PTBP1: variants seen among roughly 807,000 people sequenced by gnomAD.
PTBP1 encodes polypyrimidine tract-binding protein 1.
Under a neutral mutation model 59.8 loss-of-function variants are expected in PTBP1, and 8 were observed. The ratio of observed to expected loss-of-function variants is 0.13; its 90% CI spans 0.08 to 0.24. PTBP1 has a LOEUF of 0.24. Ranked by LOEUF, PTBP1 falls within the 10% of genes least tolerant of loss-of-function variation. PTBP1 has a pLI of 1.00. For missense variants in PTBP1, 686 were observed against 767.0 expected (o/e 0.89, Z 1.25); for synonymous variants, 490 against 320.7 (o/e 1.53, Z -5.64).
At chr19:805,377 C>T (rs1268515630) in intron 8 of PTBP1, 115 bp from the exon 9 acceptor site, 1 of 1,230,864 alleles carries the variant, frequency 8.1e-7, no homozygotes, top group African/African-American at 1.5e-5. Context: ...GCGGATCTGC[C>T]CGCGAAGGCT....
chr19:811,162 A>T lies in PTBP1; in HGVS notation c.*336A>T. ...CCACGACTTGGCTTCCTTGTGCCTT[A>T]AAAAACCTGCCTTCCTGCAGCCACA... is the stretch of plus-strand genomic sequence containing the variant. On this transcript the variant is annotated 3_prime_UTR_variant, in exon 15 of 15. Coordinates refer to ENST00000356948, the MANE Select transcript of PTBP1 (RefSeq NM_002819.5). 9.6e-6 allele frequency: 2 copies of T among 209,010 alleles called. No homozygotes were observed. The highest frequency in any genetic ancestry group is 1.9e-5 in the Non-Finnish European group (2 of 105,704). The allele number at this position is 209,010 out of a possible 1,614,324, so 12.9% of individuals were successfully genotyped here.
At position 805,151 on chromosome 19, in the gene PTBP1, C is replaced by G. The variant is rs2034503323; in HGVS notation, c.856C>G (p.Gln286Glu). 1 of 1,613,576 alleles carries G rather than the reference C, an allele frequency of 6.2e-7. No individual in the cohort carries two copies. Among genetic ancestry groups the G allele is most frequent in the Non-Finnish European group, 8.5e-7 (1 of 1,179,880 alleles). ...TRPDLPSGDSQPSLDQTMAAA... is the reference protein window; with the variant it reads ...TRPDLPSGDSEPSLDQTMAAA... ...CCCAGACCTGCCTTCCGGGGACAGC[C>G]AGCCCTCGCTGGACCAGACCATGGC... Residue 286 changes from glutamine (Q) to glutamate (E), a missense_variant, in exon 8 of 15, where the codon CAG becomes GAG. Coordinates refer to ENST00000356948, the MANE Select transcript of PTBP1 (RefSeq NM_002819.5).
At position 805,004 on chromosome 19, in the gene PTBP1, TC is replaced by T; in HGVS notation, c.718-5del. 1 of 1,613,176 alleles carries T rather than the reference TC, an allele frequency of 6.2e-7. No individual in the cohort carries two copies. Among genetic ancestry groups the T allele is most frequent in the Non-Finnish European group, 8.5e-7 (1 of 1,179,456 alleles). ...GCCCGGCGACGTCTCACGGTCCCTC[TC>T]CCCTCAGTCGCTGGACGGGCAGAAC... On this transcript the variant is annotated splice_region_variant and splice_polypyrimidine_tract_variant and intron_variant, in intron 7 of 14. Transcript: ENST00000356948.
Position 808,834 on chromosome 19 carries a change from G to T in PTBP1, c.1463+72G>T. ...CTCTGCTTGGCTGTCCTACCGCGTC[G>T]GTGTGTGGACTTCTGGCGTTTCCAG... On this transcript the variant is annotated intron_variant, in intron 13 of 14. Coordinates refer to ENST00000356948, the MANE Select transcript of PTBP1 (RefSeq NM_002819.5). This position sits in a 1 kb window ranked among gnomAD's most constrained non-coding sequence, Gnocchi z 4.7. The T allele has an allele frequency of 1.4e-6, 2 of 1,419,556 alleles. No individual in the cohort carries two copies. Among genetic ancestry groups the T allele is most frequent in the Non-Finnish European group, 1.9e-6 (2 of 1,028,502 alleles). The allele number at this position is 1,419,556 out of a possible 1,614,324, so 87.9% of individuals were successfully genotyped here. A position where few individuals can be genotyped will look rare whatever the true frequency, so the allele number is the denominator to read the frequency against.
intron 10 of PTBP1, chr19:806,968 C>T (rs564405834): frequency 6.9e-4 from 112 of 163,274 alleles, no homozygotes; most frequent in South Asian, 3.0e-3. Flanking sequence ...CCGTTATTTC[C>T]CAGAATGGTT....
At position 810,731 on chromosome 19, in the gene PTBP1, G is replaced by T; in HGVS notation, c.1579G>T (p.Val527Leu). The T allele has an allele frequency of 6.2e-7, 1 of 1,609,576 alleles. No individual in the cohort carries two copies. The highest frequency in any genetic ancestry group is 8.5e-7 in the Non-Finnish European group (1 of 1,178,668). The change falls in exon 15 of 15, where the codon GTG (valine) becomes TTG (leucine). Residue 527 changes from valine (V) to leucine (L), a missense_variant. Physicochemically the swap from Val to Leu is conservative, Grantham distance 32. Transcript: ENST00000356948. ...GATGGCACTGATCCAGATGGGCTCCGTGGAGGAGGCGGTCCAGGCCCTCAT... is the reference window on the plus strand; with the variant it reads ...GATGGCACTGATCCAGATGGGCTCCTTGGAGGAGGCGGTCCAGGCCCTCAT... ...RKMALIQMGSVEEAVQALIDL... is the reference protein window; with the variant it reads ...RKMALIQMGSLEEAVQALIDL...
intron 2 of PTBP1, among the ~76,000 whole-genome samples, chr19:800,630 G>T (rs1243056041): frequency 6.6e-6 from 1 of 152,226 alleles, no homozygotes; most frequent in Non-Finnish European, 1.5e-5. Flanking sequence ...CCAGGTTTCG[G>T]TTTTTCCCAA....
rs1471567547 is a variant in PTBP1, at chr19:808,989, G to A, written c.1463+227G>A. On this transcript the variant is annotated intron_variant, in intron 13 of 14. Coordinates refer to ENST00000356948, the MANE Select transcript of PTBP1 (RefSeq NM_002819.5). This position sits in a 1 kb window ranked among gnomAD's most constrained non-coding sequence, Gnocchi z 4.7. ...TTGGCTCAGGGGATGCTCCCTGTGA[G>A]AATGTATAATGCACACATTTATTTA... Among the ~76,000 whole-genome samples, 3 of 152,124 alleles carry A rather than the reference G, an allele frequency of 2.0e-5. No individual in the cohort carries two copies. Among genetic ancestry groups the A allele is most frequent in the African/African-American group, 7.2e-5 (3 of 41,426 alleles).
chr19:797,643 C>T (rs1270384300), intron 1 of PTBP1, 138 bp downstream of exon 1: 3 of 459,776 alleles, frequency 6.5e-6, no homozygotes, highest in Non-Finnish European at 9.8e-6. Flanking sequence ...TTCCTCTCCG[C>T]GTGGCGGGCG....
rs1451262844 is a variant in PTBP1 at position 804,115 on chromosome 19, G to A, written c.195G>A (p.Lys65=). The A allele has an allele frequency of 3.1e-6, 5 of 1,613,950 alleles. No homozygotes were observed. The highest frequency in any genetic ancestry group is 4.2e-6 in the Non-Finnish European group (5 of 1,179,926). ...GVPSRVIHIR[K]LPIDVTEGEV... ...CCTCTAGAGTGATCCACATCCGGAA[G>A]CTCCCCATCGACGTCACGGAGGGGG... The change falls in exon 4 of 15, where the codon AAG becomes AAA. Residue 65 remains lysine, a synonymous_variant. Transcript: ENST00000356948.
chr19:807,138 G>C (rs1409825669), intron 10 of PTBP1: 3 of 152,334 alleles, frequency 2.0e-5, no homozygotes, highest in Non-Finnish European at 4.4e-5. Context: ...CCCTCGCGGG[G>C]GCCCAGGACG....
At chr19:809,174 A>C (rs1321048375) in intron 13 of PTBP1, among the ~76,000 whole-genome samples, 1 of 151,586 alleles carries the variant, frequency 6.6e-6, no homozygotes, top group Non-Finnish European at 1.5e-5. Context: ...ACACCTGGCT[A>C]ATTTTTGTAT....
At chr19:799,228 C>G (rs112622142) in intron 1 of PTBP1, 185 bp from the exon 2 acceptor site, 4 of 708,926 alleles carry the variant, frequency 5.6e-6, no homozygotes, top group African/African-American at 5.2e-5. Flanking sequence ...AAGTTGCAGT[C>G]AAGTGGACGG....
chr19:806,386 A>G, intron 9 of PTBP1, 22 bp from the exon 10 acceptor site: 1 of 1,589,864 alleles, frequency 6.3e-7, no homozygotes, highest in Non-Finnish European at 8.5e-7. Context: ...GCCGCCGCTC[A>G]TCTCACCTCC....
chr19:799,796 C>T (rs2034251224), intron 2 of PTBP1, among the ~76,000 whole-genome samples: 1 of 152,206 alleles, frequency 6.6e-6, no homozygotes, highest in African/African-American at 2.4e-5. Flanking sequence ...TTGTGGCTGC[C>T]TGGGAGACTC....
In PTBP1 at chr19:799,461, T is replaced by C. The variant is rs908726993; in HGVS notation, c.39+18T>C. The C allele has an allele frequency of 6.2e-6, 10 of 1,613,286 alleles. No individual in the cohort carries two copies. In the African/African-American group the frequency reaches 6.7e-5, roughly 11 times the overall value. ...GTACAAAGGTAGGCACTTCTCACTTTGCTTCTCCGTGACGCTCCTCTGACC... is the reference window on the plus strand; with the variant it reads ...GTACAAAGGTAGGCACTTCTCACTTCGCTTCTCCGTGACGCTCCTCTGACC... On this transcript the variant is annotated intron_variant, in intron 2 of 14. Coordinates refer to ENST00000356948, the MANE Select transcript of PTBP1 (RefSeq NM_002819.5).
intron 2 of PTBP1, among the ~76,000 whole-genome samples, chr19:800,752 C>T (rs1279792675): frequency 2.6e-5 from 4 of 152,172 alleles, no homozygotes; most frequent in Non-Finnish European, 4.4e-5. Flanking sequence ...TGCAACAATC[C>T]CTAGATGTGT....
rs1183146358 is a variant in PTBP1, at chr19:806,806, C to T, written c.1119+250C>T. The T allele has an allele frequency of 2.6e-5, 11 of 418,524 alleles. No homozygotes were observed. In the Admixed American group the frequency reaches 3.1e-4, roughly 12 times the overall value. 25.9% of individuals were successfully genotyped at this position (418,524 alleles called of 1,614,324 possible). ...CAGAATGAATTATTTTTTGGTTACC[C>T]AAAGGCAATCTAAAAATTACTTGGA... is the stretch of plus-strand genomic sequence containing the variant. On this transcript the variant is annotated intron_variant, in intron 10 of 14. Transcript: ENST00000356948.
In PTBP1 at chr19:805,117, C is replaced by T. The variant is rs950687781; in HGVS notation, c.822C>T (p.Asp274=). 7 of 1,613,796 alleles carry T rather than the reference C, an allele frequency of 4.3e-6. No homozygotes were observed. The highest frequency in any genetic ancestry group is 1.6e-4 in the Middle Eastern group (1 of 6,084). Residue 274 remains aspartate (D), a synonymous_variant, in exon 8 of 15, where the codon GAC becomes GAT. Transcript: ENST00000356948. ...AGTACAACAATGACAAGAGCCGTGA[C>T]TACACACGCCCAGACCTGCCTTCCG... The part of the protein sequence containing the change: ...NVKYNNDKSR[D]YTRPDLPSGD...
Sources: allele counts gnomAD v4.1 joint callset (sites outside exome capture counted in the v4.1 genomes callset), GRCh38; gene constraint gnomAD v4.1.1; non-coding constraint Gnocchi (gnomAD v3.1); transcripts MANE v1.5; gene names NCBI Gene and HGNC (gene_info 2026-07-23, HGNC 2026-07-21).